Variants in NLGN1 observed in about 807,000 individuals in gnomAD.
NLGN1 encodes the protein neuroligin 1.
NLGN1 carries 12 observed loss-of-function variants against 65.5 expected under a neutral mutation model. That is an observed-to-expected ratio of 0.18 (90% CI 0.12 to 0.30). NLGN1 has a LOEUF of 0.30. Among genes scored for constraint, NLGN1 ranks in the 10% least tolerant of loss-of-function variants. The pLI is 1.00. For missense variants in NLGN1, 750 were observed against 1,007.1 expected (o/e 0.74, Z 3.46); for synonymous variants, 350 against 359.5 (o/e 0.97, Z 0.30).
chr3:173,810,964 C>T lies in NLGN1; in HGVS notation c.646+3132C>T, dbSNP rs538093730. Among the ~76,000 whole-genome samples the T allele has an allele frequency of 6.6e-5, 10 of 152,246 alleles. No homozygotes were observed. The East Asian group carries it at 1.9e-3, about 29-fold the overall frequency. Reference sequence around the variant, plus strand: ...TAGGAAAAACTGCCAATAAGATTGACAAAGAGGGAAGGGAATGCAGGACTC... The same window carrying T: ...TAGGAAAAACTGCCAATAAGATTGATAAAGAGGGAAGGGAATGCAGGACTC... On this transcript the variant is annotated intron_variant, in intron 4 of 6. Coordinates refer to ENST00000457714, the Ensembl canonical transcript of NLGN1.
chr3:174,061,383 C>A (rs1256904621), intron 4 of NLGN1, among the ~76,000 whole-genome samples: 1 of 152,010 alleles, frequency 6.6e-6, no homozygotes, highest in African/African-American at 2.4e-5. Context: ...TAACAGAGTA[C>A]AAGGAAAGTC....
chr3:173,408,437 A>G (rs1412289866), intron 1 of NLGN1, among the ~76,000 whole-genome samples: 2 of 152,186 alleles, frequency 1.3e-5, no homozygotes, highest in Non-Finnish European at 1.5e-5. Context: ...ACTAAATTCT[A>G]TGTAAAATCA....
chr3:173,448,204 T>C (rs1720750499), intron 2 of NLGN1, among the ~76,000 whole-genome samples: 1 of 152,184 alleles, frequency 6.6e-6, no homozygotes, highest in South Asian at 2.1e-4. Flanking sequence ...GGGTTTGTCA[T>C]AGATAGCTCT....
chr3:174,133,473 C>T (rs1720594755), intron 4 of NLGN1, among the ~76,000 whole-genome samples: 1 of 152,136 alleles, frequency 6.6e-6, no homozygotes, highest in Admixed American at 6.6e-5. Flanking sequence ...GCCTGGGTTA[C>T]CAGCCAGTCA....
intron 4 of NLGN1, among the ~76,000 whole-genome samples, chr3:174,083,987 A>C (rs990922330): frequency 2.0e-5 from 3 of 152,186 alleles, no homozygotes; most frequent in African/African-American, 7.2e-5. Context: ...GGAAAATATC[A>C]TTTTGTATTT....
intron 4 of NLGN1, among the ~76,000 whole-genome samples, chr3:173,979,985 A>G (rs1454435481): frequency 6.6e-6 from 1 of 152,100 alleles, no homozygotes; most frequent in East Asian, 1.9e-4. Flanking sequence ...AGTAGCATGC[A>G]CTTGCTTCCA....
At chr3:173,935,636 T>A (rs958410751) in intron 4 of NLGN1, among the ~76,000 whole-genome samples, 23 of 109,796 alleles carry the variant, frequency 2.1e-4, no homozygotes, top group African/African-American at 7.7e-4. Context: ...TCTCTCTCTC[T>A]CTCTCTCTCT....
At chr3:174,078,139 GA>G (rs139223132) in intron 4 of NLGN1, among the ~76,000 whole-genome samples, 1 of 151,488 alleles carries the variant, frequency 6.6e-6, no homozygotes, top group African/African-American at 2.4e-5. Context: ...TATATTTTTA[GA>G]AAAAAAACAC....
At chr3:174,216,494 G>A (rs1737633067) in intron 4 of NLGN1, among the ~76,000 whole-genome samples, 1 of 152,088 alleles carries the variant, frequency 6.6e-6, no homozygotes, top group Non-Finnish European at 1.5e-5. Context: ...AAGAAAATCA[G>A]TTCTTCCCAT....
At chr3:173,655,098 T>G (rs1759792646) in intron 3 of NLGN1, among the ~76,000 whole-genome samples, 4 of 152,158 alleles carry the variant, frequency 2.6e-5, no homozygotes. Context: ...GCATATAGTT[T>G]GCACCTTGCA....
chr3:174,064,869 T>G (rs1368710407), intron 4 of NLGN1, among the ~76,000 whole-genome samples: 1 of 148,510 alleles, frequency 6.7e-6, no homozygotes, highest in African/African-American at 2.5e-5. Context: ...ATACACATAG[T>G]AAGTACTATA....
chr3:174,230,131 C>T (rs1366516339), intron 4 of NLGN1, among the ~76,000 whole-genome samples: 1 of 152,104 alleles, frequency 6.6e-6, no homozygotes, highest in Admixed American at 6.6e-5. Flanking sequence ...CACACTGATA[C>T]ATTGAGCACT....
chr3:174,259,173 T>C (rs1474950194), intron 4 of NLGN1, among the ~76,000 whole-genome samples: 1 of 152,208 alleles, frequency 6.6e-6, no homozygotes, highest in African/African-American at 2.4e-5. Context: ...ACATTCTTGC[T>C]AAATTATCTT....
intron 4 of NLGN1, among the ~76,000 whole-genome samples, chr3:173,876,729 C>T (rs1195787608): frequency 6.6e-6 from 1 of 151,854 alleles, no homozygotes; most frequent in African/African-American, 2.4e-5. Flanking sequence ...GTTGGAACAA[C>T]TTAAACAACA....
intron 2 of NLGN1, among the ~76,000 whole-genome samples, chr3:173,436,869 TGCCTCCA>T (rs1718235256): frequency 6.6e-6 from 1 of 152,232 alleles, no homozygotes; most frequent in East Asian, 1.9e-4. Context: ...CCTTTTTCTA[TGCCTCCA>T]GCTCTAACTG....
chr3:173,980,380 A>T lies in NLGN1; in HGVS notation c.646+172548A>T, dbSNP rs149832874. ...TATTTCACTCTTCATTAAATCGTAA[A>T]ATTATTCCATGTTGCTATATAGTCT... On this transcript the variant is annotated intron_variant, in intron 4 of 6. Coordinates refer to ENST00000457714, the Ensembl canonical transcript of NLGN1. 4.4e-3 allele frequency among the ~76,000 whole-genome samples: 668 copies of T among 152,060 alleles called. 5 individuals carry two copies. The highest frequency in any genetic ancestry group is 0.015 in the African/African-American group (626 of 41,526).
At chr3:173,624,251 G>A (rs1482455000) in intron 3 of NLGN1, among the ~76,000 whole-genome samples, 2 of 152,198 alleles carry the variant, frequency 1.3e-5, no homozygotes, top group East Asian at 3.9e-4. Flanking sequence ...TTCTTTCTAG[G>A]AACAAAGGGA....
chr3:173,409,340 G>C (rs1419229901), intron 1 of NLGN1, among the ~76,000 whole-genome samples: 1 of 152,060 alleles, frequency 6.6e-6, no homozygotes, highest in Non-Finnish European at 1.5e-5. Context: ...TTGAATGATT[G>C]ATATGAGAAA....
intron 2 of NLGN1, among the ~76,000 whole-genome samples, chr3:173,595,302 A>G (rs1441354973): frequency 1.3e-5 from 2 of 152,144 alleles, no homozygotes; most frequent in Non-Finnish European, 2.9e-5. Context: ...ACCCTAAATC[A>G]TCCCTCTCAA....
Sources: allele counts gnomAD v4.1 joint callset (sites outside exome capture counted in the v4.1 genomes callset), GRCh38; gene constraint gnomAD v4.1.1; transcripts MANE v1.5; gene names NCBI Gene and HGNC (gene_info 2026-07-23, HGNC 2026-07-21).